The following ALK variants were observed in gnomAD, a reference collection of about 807,000 sequenced individuals.
ALK encodes ALK tyrosine kinase receptor.
ALK carries 74 observed loss-of-function variants against 163.1 expected under a neutral mutation model. That is an observed-to-expected ratio of 0.45 (90% CI 0.38 to 0.55). ALK has a LOEUF of 0.55. ALK is among the 20% of genes least tolerant of loss of function. ALK has a pLI of 0.00. For missense variants in ALK, 2,063 were observed against 2,105.3 expected (o/e 0.98, Z 0.39); for synonymous variants, 960 against 843.2 (o/e 1.14, Z -2.40).
chr2:29,583,620 C>T (rs917558753), intron 3 of ALK, among the ~76,000 whole-genome samples: 1 of 151,874 alleles, frequency 6.6e-6, no homozygotes, highest in African/African-American at 2.4e-5. Flanking sequence ...CATGAGATCC[C>T]TGCTTCTGCC....
At chr2:29,393,556 C>T (rs948797742) in intron 4 of ALK, among the ~76,000 whole-genome samples, 6 of 152,212 alleles carry the variant, frequency 3.9e-5, no homozygotes, top group Non-Finnish European at 8.8e-5. Flanking sequence ...TGGATCATCC[C>T]CTTTCTGTCC....
At chr2:29,818,159 G>A (rs901561895) in intron 1 of ALK, among the ~76,000 whole-genome samples, 4 of 152,088 alleles carry the variant, frequency 2.6e-5, no homozygotes, top group African/African-American at 9.7e-5. Context: ...TTTTCCCAGA[G>A]TTGTGAATTT....
chr2:29,740,246 G>T (rs777894770), intron 1 of ALK, among the ~76,000 whole-genome samples: 1 of 151,948 alleles, frequency 6.6e-6, no homozygotes, highest in Non-Finnish European at 1.5e-5. Context: ...TCAGCTTCAC[G>T]AATTAACAAA....
At chr2:29,784,466 C>A (rs780813214) in intron 1 of ALK, among the ~76,000 whole-genome samples, 2 of 152,060 alleles carry the variant, frequency 1.3e-5, no homozygotes, top group Non-Finnish European at 2.9e-5. Context: ...AAGGCTGAGG[C>A]GGGCAGATCA....
chr2:29,815,539 GT>G (rs1231398146), intron 1 of ALK, among the ~76,000 whole-genome samples: 2 of 152,156 alleles, frequency 1.3e-5, no homozygotes, highest in Non-Finnish European at 2.9e-5. Context: ...AGAAGTTCTT[GT>G]TTGGAACTCT....
At chr2:29,323,570 T>C (rs1386374461) in intron 6 of ALK, among the ~76,000 whole-genome samples, 2 of 152,184 alleles carry the variant, frequency 1.3e-5, no homozygotes, top group Admixed American at 6.5e-5. Context: ...GGACAATTGA[T>C]GTGGCAATTA....
intron 3 of ALK, among the ~76,000 whole-genome samples, chr2:29,654,591 T>C (rs373619641): frequency 7.9e-5 from 12 of 152,142 alleles, no homozygotes; most frequent in Non-Finnish European, 1.5e-5. Flanking sequence ...AGAAAAGTGA[T>C]GTTATGAGTC....
chr2:29,632,504 G>C (rs1472571631), intron 3 of ALK, among the ~76,000 whole-genome samples: 1 of 152,066 alleles, frequency 6.6e-6, no homozygotes, highest in Non-Finnish European at 1.5e-5. Flanking sequence ...AGGTAATTAT[G>C]GCTGAAGCCC....
intron 3 of ALK, among the ~76,000 whole-genome samples, chr2:29,636,027 C>A (rs1461783035): frequency 2.6e-5 from 4 of 152,072 alleles, no homozygotes; most frequent in African/African-American, 4.8e-5. Context: ...ATCAGAATCC[C>A]AGGAAGATTC....
chr2:29,495,294 A>G (rs1257290084), intron 4 of ALK, among the ~76,000 whole-genome samples: 1 of 152,104 alleles, frequency 6.6e-6, no homozygotes, highest in Non-Finnish European at 1.5e-5. Context: ...GGCCAATGGG[A>G]ACACCACAGT....
At chr2:29,481,964 A>G (rs1372255005) in intron 4 of ALK, among the ~76,000 whole-genome samples, 1 of 152,244 alleles carries the variant, frequency 6.6e-6, no homozygotes, top group East Asian at 1.9e-4. Context: ...TGCCTTCCTT[A>G]AAAGAAAGAA....
intron 1 of ALK, among the ~76,000 whole-genome samples, chr2:29,810,692 C>A (rs886761240): frequency 2.6e-5 from 4 of 152,050 alleles, no homozygotes; most frequent in African/African-American, 9.7e-5. Context: ...AAGTGGCAAC[C>A]ACAGGGCCTT....
intron 5 of ALK, among the ~76,000 whole-genome samples, chr2:29,341,543 C>G (rs1333865969): frequency 6.6e-6 from 1 of 152,202 alleles, no homozygotes; most frequent in African/African-American, 2.4e-5. Context: ...TTAGCCTTCA[C>G]TGCAGGAGGT....
chr2:29,792,114 G>A (rs970319242), intron 1 of ALK, among the ~76,000 whole-genome samples: 1 of 152,164 alleles, frequency 6.6e-6, no homozygotes, highest in Non-Finnish European at 1.5e-5. Context: ...GCAACAAATA[G>A]CTAAAAATAG....
intron 4 of ALK, among the ~76,000 whole-genome samples, chr2:29,440,063 C>A (rs1670498364): frequency 2.0e-5 from 3 of 151,730 alleles, no homozygotes; most frequent in Admixed American, 2.0e-4. Context: ...GAAACCCCGT[C>A]TCTACTAAAG....
At chr2:29,248,554 C>G (rs10178628) in intron 12 of ALK, among the ~76,000 whole-genome samples, 14,909 of 152,210 alleles carry the variant, frequency 0.098, 910 homozygotes, top group African/African-American at 0.16. Context: ...GACCAAAATG[C>G]CTCCTTTACT....
chr2:29,296,740 TGCAC>T, intron 9 of ALK, 144 bp downstream of exon 9: 27 of 801,006 alleles, frequency 3.4e-5, no homozygotes, highest in Middle Eastern at 2.6e-4. Flanking sequence ...TGTGTGTGTG[TGCAC>T]GTGCGTGCAC....
chr2:29,758,901 A>G (rs1680617345), intron 1 of ALK, among the ~76,000 whole-genome samples: 1 of 151,870 alleles, frequency 6.6e-6, no homozygotes, highest in South Asian at 2.1e-4. Flanking sequence ...GCCACCTCTC[A>G]CTGCCTCTTT....
chr2:29,234,290 TG>T (rs1664310915), intron 13 of ALK, among the ~76,000 whole-genome samples: 1 of 152,168 alleles, frequency 6.6e-6, no homozygotes, highest in Non-Finnish European at 1.5e-5. Context: ...AGTGTGATCA[TG>T]GCTAGAGGCC....
Sources: gnomAD v4.1 joint callset for allele counts (sites outside exome capture counted in the v4.1 genomes callset) on GRCh38, gnomAD v4.1.1 for gene constraint, MANE v1.5 for transcripts, NCBI Gene and HGNC (gene_info 2026-07-23, HGNC 2026-07-21) for gene names.